Variants in EML6 observed in about 807,000 individuals in gnomAD.
EML6 encodes the protein echinoderm microtubule-associated protein-like 6.
In EML6, 154 loss-of-function variants were observed where a neutral mutation model predicts 240.1. The observed-to-expected ratio is 0.64, with a 90% CI of 0.56 to 0.73. The LOEUF is 0.73. Ranked by LOEUF, EML6 falls within the 30% of genes least tolerant of loss-of-function variation. The pLI is 0.00. For missense variants in EML6, 2,964 were observed against 2,474.6 expected (o/e 1.20, Z -4.20); for synonymous variants, 1,148 against 899.0 (o/e 1.28, Z -4.95).
At chr2:54,897,760 A>G (rs1672846870) in intron 21 of EML6, among the ~76,000 whole-genome samples, 1 of 145,718 alleles carries the variant, frequency 6.9e-6, no homozygotes, top group Non-Finnish European at 1.5e-5. Context: ...TCTTAGGTGG[A>G]TCTCATTATT....
At position 54,891,130 on chromosome 2, in the gene EML6, C is replaced by G. The variant is rs1378176897; in HGVS notation, c.2515C>G (p.His839Asp). The G allele has an allele frequency of 6.7e-7, 1 of 1,485,382 alleles. No individual in the cohort carries two copies. 92.0% of individuals were successfully genotyped at this position (1,485,382 alleles called of 1,614,324 possible). A position where few individuals can be genotyped will look rare whatever the true frequency, so the allele number is the denominator to read the frequency against. Reference sequence around the variant, plus strand: ...CAAACTGGTTACAGTTGGGATAAAACACATCAAATTCTGGCAACAAGCAGG... The same window carrying G: ...CAAACTGGTTACAGTTGGGATAAAAGACATCAAATTCTGGCAACAAGCAGG... ...VDKLVTVGIKHIKFWQQAGGG... is the reference protein window; with the variant it reads ...VDKLVTVGIKDIKFWQQAGGG... Residue 839 changes from histidine (H) to aspartate (D), a missense_variant, in exon 18 of 42, where the codon CAC (histidine) becomes GAC (aspartate). By Grantham distance (81) the His-to-Asp change is moderately conservative. Transcript: ENST00000356458.
chr2:54,941,978 G>T (rs749202259), intron 28 of EML6, among the ~76,000 whole-genome samples: 2 of 152,116 alleles, frequency 1.3e-5, no homozygotes, highest in African/African-American at 4.8e-5. Flanking sequence ...CATCTCCAAG[G>T]CCTATTGCTT....
chr2:54,946,903 G>A (rs540480083), intron 28 of EML6, among the ~76,000 whole-genome samples: 5 of 151,592 alleles, frequency 3.3e-5, no homozygotes, highest in Admixed American at 6.6e-5. Context: ...TTTACCTTTC[G>A]GTTTTTTTCT....
At chr2:54,963,336 A>G (rs976720531) in intron 36 of EML6, among the ~76,000 whole-genome samples, 1 of 152,206 alleles carries the variant, frequency 6.6e-6, no homozygotes, top group Admixed American at 6.5e-5. Context: ...AGTTTCTGTA[A>G]TTATTTATTA....
chr2:54,804,721 G>T (rs544457292), intron 2 of EML6, among the ~76,000 whole-genome samples: 101 of 152,250 alleles, frequency 6.6e-4, no homozygotes, highest in East Asian at 1.3e-3. Context: ...ATTTGCCCCT[G>T]CTCTAGTCTT....
At chr2:54,756,598 GT>G (rs761203328) in intron 2 of EML6, among the ~76,000 whole-genome samples, 1 of 151,610 alleles carries the variant, frequency 6.6e-6, no homozygotes, top group Non-Finnish European at 1.5e-5. Flanking sequence ...CTTTTTTTAA[GT>G]TTATATTTTC....
intron 35 of EML6, among the ~76,000 whole-genome samples, chr2:54,961,184 G>GTTGTTTTTTTTTTTTTTTTTTTTTTTT: frequency 0.031 from 1,721 of 55,376 alleles, 711 homozygotes; most frequent in East Asian, 0.046. Context: ...TCAGGAAGTA[G>GTTGTTTTTTTTTTTTTTTTTTTTTTTT]TTTTTTTTTT....
At position 54,968,191 on chromosome 2, in the gene EML6, C is replaced by T. The variant is rs1382565387; in HGVS notation, c.5661C>T (p.Cys1887=). ...PRNADKADVN[C]ACVTHAGLNI... is the part of the protein sequence containing the mutation. ...ATGCAGACAAGGCTGATGTCAACTG[C>T]GCATGTGTGACCCACGCTGGCCTGA... Residue 1887 remains cysteine (C), a synonymous_variant, in exon 40 of 42, where the codon TGC becomes TGT. Coordinates refer to ENST00000356458, the MANE Select transcript of EML6 (RefSeq NM_001039753.4). The T allele has an allele frequency of 1.4e-5, 21 of 1,551,508 alleles. No individual in the cohort carries two copies. The highest frequency in any genetic ancestry group is 1.2e-4 in the East Asian group (5 of 40,942).
intron 28 of EML6, among the ~76,000 whole-genome samples, chr2:54,940,932 C>T (rs1418252903): frequency 6.6e-6 from 1 of 152,188 alleles, no homozygotes; most frequent in Non-Finnish European, 1.5e-5. Context: ...CACCAAGGTG[C>T]TTTGTCAGCA....
Position 54,928,401 on chromosome 2 carries a change from C to T in EML6, c.3764C>T (p.Thr1255Met), listed in dbSNP as rs1274849724. The T allele has an allele frequency of 5.2e-6, 8 of 1,551,302 alleles. No homozygotes were observed. The highest frequency in any genetic ancestry group is 1.7e-4 in the Middle Eastern group (1 of 6,012). Reference protein sequence around the residue: ...RWLHNDSVLLTVGGADTALMI... With the variant: ...RWLHNDSVLLMVGGADTALMI... The stretch of plus-strand genomic sequence containing the variant: ...CTGCACAATGACTCTGTGCTGCTCA[C>T]GGTGGGCGGCGCCGACACAGCCCTG... The change falls in exon 27 of 42, where the codon ACG becomes ATG. Residue 1255 changes from threonine to methionine, a missense_variant. By Grantham distance (81) the Thr-to-Met change is moderately conservative. Coordinates refer to ENST00000356458, the MANE Select transcript of EML6 (RefSeq NM_001039753.4).
Position 54,952,590 on chromosome 2 carries a change from C to T in EML6, c.4214-4C>T. ...TTCACCCTCCCATGATCTCTCTCCC[C>T]CAGGGAGCCAGAGCTTCTATCTGGA... On this transcript the variant is annotated splice_polypyrimidine_tract_variant and splice_region_variant and intron_variant, in intron 30 of 41. Coordinates refer to ENST00000356458, the MANE Select transcript of EML6 (RefSeq NM_001039753.4). 1.9e-6 allele frequency: 3 copies of T among 1,547,656 alleles called. No individual in the cohort carries two copies. Among genetic ancestry groups the T allele is most frequent in the Non-Finnish European group, 2.6e-6 (3 of 1,143,862 alleles).
chr2:54,808,713 G>T (rs906980526), intron 2 of EML6, among the ~76,000 whole-genome samples: 2 of 152,090 alleles, frequency 1.3e-5, no homozygotes, highest in African/African-American at 4.8e-5. Context: ...TGAGTGTTTT[G>T]TTGTTGTTGT....
chr2:54,823,119 A>G (rs1471223672), intron 5 of EML6, among the ~76,000 whole-genome samples: 1 of 152,234 alleles, frequency 6.6e-6, no homozygotes, highest in African/African-American at 2.4e-5. Context: ...AACAGACGCC[A>G]CTTTCAATTT....
chr2:54,733,020 G>T (rs945119943), intron 2 of EML6, among the ~76,000 whole-genome samples: 1 of 152,220 alleles, frequency 6.6e-6, no homozygotes, highest in African/African-American at 2.4e-5. Context: ...TCTTTTATCA[G>T]TTCATTCCTT....
At chr2:54,912,850 A>C (rs1673712444) in intron 25 of EML6, among the ~76,000 whole-genome samples, 1 of 152,240 alleles carries the variant, frequency 6.6e-6, no homozygotes, top group African/African-American at 2.4e-5. Flanking sequence ...TGCTATTGTG[A>C]ATAGTGCTGC....
intron 7 of EML6, among the ~76,000 whole-genome samples, chr2:54,832,412 G>C (rs1668918702): frequency 6.6e-6 from 1 of 152,184 alleles, no homozygotes; most frequent in African/African-American, 2.4e-5. Context: ...CTCAGAACCG[G>C]CCCTCCTGTG....
At chr2:54,806,612 C>CACAAAAAAAAAAAA (rs1670501703) in intron 2 of EML6, among the ~76,000 whole-genome samples, 1 of 52,822 alleles carries the variant, frequency 1.9e-5, no homozygotes, top group African/African-American at 7.6e-5. Flanking sequence ...ACTCCGTCTC[C>CACAAAAAAAAAAAA]AAAAAAAAAA....
intron 2 of EML6, among the ~76,000 whole-genome samples, chr2:54,800,938 G>A (rs755649201): frequency 6.6e-6 from 1 of 152,064 alleles, no homozygotes; most frequent in African/African-American, 2.4e-5. Flanking sequence ...ATTTCATTAG[G>A]GGTCAAGGAG....
chr2:54,912,298 T>G (rs887662735), intron 25 of EML6, among the ~76,000 whole-genome samples: 1 of 152,244 alleles, frequency 6.6e-6, no homozygotes, highest in Non-Finnish European at 1.5e-5. Flanking sequence ...TCTTTTTAAC[T>G]TTTTTATATG....
Sources: gnomAD v4.1 joint callset for allele counts (sites outside exome capture counted in the v4.1 genomes callset) on GRCh38, gnomAD v4.1.1 for gene constraint, MANE v1.5 for transcripts, NCBI Gene and HGNC (gene_info 2026-07-23, HGNC 2026-07-21) for gene names.